LRRC37A2: variants seen among roughly 807,000 people sequenced by gnomAD.
The protein encoded by LRRC37A2 is leucine-rich repeat-containing protein 37A2.
LRRC37A2 carries 9 observed loss-of-function variants against 68.8 expected under a neutral mutation model. That is an observed-to-expected ratio of 0.13 (90% confidence interval 0.08 to 0.23). The LOEUF (loss-of-function observed/expected upper bound fraction) is 0.23. Ranked by LOEUF, LRRC37A2 falls within the 10% of genes least tolerant of loss-of-function variation. The pLI is 1.00. For missense variants in LRRC37A2, 168 were observed against 950.4 expected, an observed-to-expected ratio of 0.18 and a Z score of 10.82; for synonymous variants, 63 against 367.6, an observed-to-expected ratio of 0.17 and a Z score of 9.48.
chr17:47,021,900 T>A, the LRRC37A2 span: 2 of 1,527,620 alleles, frequency 1.3e-6, no homozygotes, highest in South Asian at 1.1e-5. Flanking sequence ...GTATGGAAAG[T>A]GTACAGTTGG....
At chr17:46,932,123 T>C in the LRRC37A2 span, 181 of 1,614,002 alleles carry the variant, frequency 1.1e-4, no homozygotes, top group Non-Finnish European at 1.5e-4. Flanking sequence ...CTCAGAAACT[T>C]CCAGCATCGG....
chr17:46,728,852 C>T, the LRRC37A2 span: 2 of 1,592,316 alleles, frequency 1.3e-6, no homozygotes, highest in South Asian at 2.3e-5. Flanking sequence ...GTTTCTTTTC[C>T]AGATTACGTC....
the LRRC37A2 span, among the ~76,000 whole-genome samples, chr17:46,703,777 C>A: frequency 0.63 from 90,615 of 143,974 alleles, 30,418 homozygotes; most frequent in South Asian, 0.81. Context: ...TAAATACATT[C>A]TTAATGTTGT....
At chr17:46,943,785 A>G in the LRRC37A2 span, among the ~76,000 whole-genome samples, 1 of 152,238 alleles carries the variant, frequency 6.6e-6, no homozygotes, top group Non-Finnish European at 1.5e-5. Flanking sequence ...TGACTGCAGT[A>G]AAAGAGGAGA....
the LRRC37A2 span, among the ~76,000 whole-genome samples, chr17:46,784,607 C>T: frequency 1.3e-5 from 2 of 152,090 alleles, no homozygotes; most frequent in Non-Finnish European, 2.9e-5. Flanking sequence ...GAAAGGTGGG[C>T]TCTCCCGAAA....
At chr17:46,790,236 T>G in the LRRC37A2 span, among the ~76,000 whole-genome samples, 1 of 152,146 alleles carries the variant, frequency 6.6e-6, no homozygotes, top group Non-Finnish European at 1.5e-5. Flanking sequence ...TTTGCAAACA[T>G]GCACTCAGCA....
the LRRC37A2 span, chr17:46,966,822 T>C: frequency 2.3e-6 from 1 of 429,120 alleles, no homozygotes; most frequent in Non-Finnish European, 4.1e-6. Flanking sequence ...ATCAGAATTA[T>C]GAAAAGTGCT....
the LRRC37A2 span, among the ~76,000 whole-genome samples, chr17:46,973,473 C>CAACA: frequency 6.6e-6 from 1 of 152,140 alleles, no homozygotes; most frequent in South Asian, 2.1e-4. Context: ...TCTGTTGCTT[C>CAACA]GTTGTTGAAA....
chr17:46,544,613 G>T (rs767739561), intron 8 of LRRC37A2, among the ~76,000 whole-genome samples: 8,057 of 44,106 alleles, frequency 0.18, no homozygotes, highest in Non-Finnish European at 0.22. Context: ...CACATTATTA[G>T]CAGAGCTGAG....
At chr17:46,730,058 T>C in the LRRC37A2 span, among the ~76,000 whole-genome samples, 13 of 152,136 alleles carry the variant, frequency 8.5e-5, no homozygotes, top group Non-Finnish European at 1.8e-4. Flanking sequence ...CTGCAATATT[T>C]TCTTAAGTAA....
At chr17:46,610,098 T>TC in the LRRC37A2 span, among the ~76,000 whole-genome samples, 15 of 47,382 alleles carry the variant, frequency 3.2e-4, 1 homozygote, top group Admixed American at 9.3e-4. Flanking sequence ...CTTTTCTCTC[T>TC]TTCTCTCTCT....
the LRRC37A2 span, among the ~76,000 whole-genome samples, chr17:46,711,889 AG>A: frequency 2.0e-5 from 3 of 152,206 alleles, no homozygotes; most frequent in Non-Finnish European, 4.4e-5. Context: ...AGTCCTGGGC[AG>A]GAAGGAGCTT....
chr17:46,714,065 T>C, the LRRC37A2 span: 12 of 1,413,648 alleles, frequency 8.5e-6, no homozygotes, highest in Non-Finnish European at 1.1e-5. Context: ...CCTTTGTACA[T>C]GTATACATAT....
the LRRC37A2 span, among the ~76,000 whole-genome samples, chr17:46,857,367 C>G: frequency 6.6e-6 from 1 of 150,404 alleles, no homozygotes; most frequent in Non-Finnish European, 1.5e-5. Flanking sequence ...CCCAGCTACT[C>G]AGGAGGCTGA....
chr17:47,020,368 T>C, the LRRC37A2 span, among the ~76,000 whole-genome samples: 2 of 149,660 alleles, frequency 1.3e-5, no homozygotes, highest in Non-Finnish European at 2.9e-5. Context: ...TTCACATGAT[T>C]ATTCAGTCCT....
the LRRC37A2 span, among the ~76,000 whole-genome samples, chr17:47,003,497 G>C: frequency 6.6e-6 from 1 of 152,258 alleles, no homozygotes; most frequent in South Asian, 2.1e-4. Context: ...ACTCCATGCA[G>C]GAGGGTACAG....
the LRRC37A2 span, among the ~76,000 whole-genome samples, chr17:46,989,495 A>T: frequency 1.3e-5 from 2 of 152,214 alleles, no homozygotes; most frequent in African/African-American, 4.8e-5. Context: ...AAGGGGATGC[A>T]TGATTGAGGC....
At chr17:46,899,542 T>C in the LRRC37A2 span, among the ~76,000 whole-genome samples, 3 of 152,124 alleles carry the variant, frequency 2.0e-5, no homozygotes, top group Non-Finnish European at 4.4e-5. Flanking sequence ...ATGATTCCAT[T>C]TATATGAAAT....
chr17:47,011,538 C>A, the LRRC37A2 span, among the ~76,000 whole-genome samples: 7 of 145,674 alleles, frequency 4.8e-5, no homozygotes, highest in Admixed American at 6.9e-5. Context: ...GGTGACAAAG[C>A]TAGACTCTGT....
Sources: gnomAD v4.1 joint callset for allele counts (sites outside exome capture counted in the v4.1 genomes callset) on GRCh38, gnomAD v4.1.1 for gene constraint, MANE v1.5 for transcripts, NCBI Gene and HGNC (gene_info 2026-07-23, HGNC 2026-07-21) for gene names.